Variants in DEPDC1B observed in about 807,000 individuals in gnomAD.
DEPDC1B encodes DEP domain containing 1B.
Under a neutral mutation model 66.5 loss-of-function variants are expected in DEPDC1B, and 51 were observed. The observed-to-expected ratio is 0.77, with a 90% CI of 0.61 to 0.97. The LOEUF (loss-of-function observed/expected upper bound fraction) is 0.97. Ranked by LOEUF, DEPDC1B falls within the 50% of genes least tolerant of loss-of-function variation. DEPDC1B has a pLI of 0.00. For synonymous variants in DEPDC1B, 226 were observed against 223.6 expected (o/e 1.01, Z -0.10); for missense variants, 552 against 637.1 (o/e 0.87, Z 1.44).
intron 2 of DEPDC1B, among the ~76,000 whole-genome samples, chr5:60,662,184 T>C (rs1377801860): frequency 6.6e-6 from 1 of 151,626 alleles, no homozygotes; most frequent in Non-Finnish European, 1.5e-5. Flanking sequence ...GTCAGGAGAT[T>C]GAGACCATCC....
intron 7 of DEPDC1B, among the ~76,000 whole-genome samples, chr5:60,613,488 A>G (rs974975309): frequency 2.0e-5 from 3 of 152,230 alleles, no homozygotes; most frequent in Non-Finnish European, 4.4e-5. Flanking sequence ...GTTATCAAGA[A>G]GCTCACAGTC....
At chr5:60,647,346 T>C in intron 3 of DEPDC1B, 52 bp downstream of exon 3, 1 of 1,539,830 alleles carries the variant, frequency 6.5e-7, no homozygotes. Flanking sequence ...TAGGAGTTCA[T>C]GGATGATTCT....
At chr5:60,696,126 T>G (rs1032756040) in intron 1 of DEPDC1B, among the ~76,000 whole-genome samples, 4 of 152,206 alleles carry the variant, frequency 2.6e-5, no homozygotes, top group Non-Finnish European at 4.4e-5. Context: ...AGTTCATTTC[T>G]TTTTGTGAGG....
intron 2 of DEPDC1B, among the ~76,000 whole-genome samples, chr5:60,649,524 G>T (rs945747225): frequency 2.0e-5 from 3 of 152,076 alleles, no homozygotes; most frequent in Non-Finnish European, 2.9e-5. Flanking sequence ...CTTCTATTTC[G>T]GGCATTGAAA....
chr5:60,678,280 C>T (rs1360072417), intron 2 of DEPDC1B, among the ~76,000 whole-genome samples: 3 of 152,120 alleles, frequency 2.0e-5, no homozygotes, highest in Admixed American at 6.5e-5. Context: ...TGCCACCCAG[C>T]GGTGCTACAT....
intron 2 of DEPDC1B, among the ~76,000 whole-genome samples, chr5:60,649,413 T>C (rs1753391678): frequency 6.6e-6 from 1 of 152,200 alleles, no homozygotes; most frequent in South Asian, 2.1e-4. Context: ...TTGCTGTCAG[T>C]AATATCTGCA....
Position 60,674,571 on chromosome 5 carries a change from C to T in DEPDC1B, c.314+12391G>A, listed in dbSNP as rs367907116. Among the ~76,000 whole-genome samples the T allele has an allele frequency of 1.2e-4, 18 of 152,308 alleles. No homozygotes were observed. In the South Asian group the frequency reaches 3.5e-3, roughly 30 times the overall value. ...AGGATCCTGAACTCAAATCCATCCC[C>T]CATATGTGTGATTGCTACAGATCAA... On this transcript the variant is annotated intron_variant, in intron 2 of 10. Coordinates refer to ENST00000265036, the MANE Select transcript of DEPDC1B (RefSeq NM_018369.3).
intron 7 of DEPDC1B, among the ~76,000 whole-genome samples, chr5:60,633,513 G>A (rs1031081471): frequency 3.9e-5 from 6 of 152,186 alleles, no homozygotes; most frequent in African/African-American, 7.2e-5. Context: ...TGCCTTCACC[G>A]TGAGAACATG....
intron 2 of DEPDC1B, among the ~76,000 whole-genome samples, chr5:60,662,723 C>A (rs1390734321): frequency 6.6e-6 from 1 of 152,170 alleles, no homozygotes; most frequent in Non-Finnish European, 1.5e-5. Context: ...AGGCCCACTG[C>A]CTCAGGGGAC....
At chr5:60,646,308 T>C (rs1371262951) in intron 3 of DEPDC1B, among the ~76,000 whole-genome samples, 2 of 152,192 alleles carry the variant, frequency 1.3e-5, no homozygotes, top group Non-Finnish European at 2.9e-5. Context: ...TTTGCTTATA[T>C]ATTTGGTCAG....
Position 60,644,872 on chromosome 5 carries a change from T to C in DEPDC1B, c.582A>G (p.Leu194=), listed in dbSNP as rs200114483. Residue 194 remains leucine (L), a synonymous_variant, in exon 5 of 11, where the codon TTA becomes TTG. Transcript: ENST00000265036. ...EIWKSMTLSY[L]QKILGLDSLE... is the part of the protein sequence containing the mutation. ...AGGAATCCAGGCCAAGAATTTTCTG[T>C]AAGCTAAAAGATAAGTAATTATATT... 3 of 1,599,708 alleles carry C rather than the reference T, an allele frequency of 1.9e-6. No homozygotes were observed. Among genetic ancestry groups the C allele is most frequent in the Admixed American group, 3.4e-5 (2 of 58,114 alleles).
intron 2 of DEPDC1B, among the ~76,000 whole-genome samples, chr5:60,672,791 C>A (rs1280774403): frequency 6.6e-6 from 1 of 152,168 alleles, no homozygotes; most frequent in Non-Finnish European, 1.5e-5. Flanking sequence ...TGAGATTAGA[C>A]CCCAGGCCTG....
rs1584114561 is a variant in DEPDC1B, at chr5:60,700,112, G to T, written c.-19C>A. On this transcript the variant is annotated 5_prime_UTR_variant, in exon 1 of 11. Transcript: ENST00000265036. ...GCTCCATGGCGCGTAGGCAGCAGCG[G>T]CCGCAGCCGCGCCAGCGCTGATCCC... 1.3e-6 allele frequency: 2 copies of T among 1,543,244 alleles called. No homozygotes were observed. Among genetic ancestry groups the T allele is most frequent in the African/African-American group, 2.8e-5 (2 of 72,494 alleles).
rs1244428133 is a variant in DEPDC1B, at chr5:60,700,047, A to C, written c.47T>G (p.Leu16Arg). 2.6e-6 allele frequency: 4 copies of C among 1,557,400 alleles called. No individual in the cohort carries two copies. Among genetic ancestry groups the C allele is most frequent in the Non-Finnish European group, 3.5e-6 (4 of 1,152,364 alleles). The part of the protein sequence containing the change: ...VGPGPYRATR[L>R]WNETVELFRA... Reference sequence around the variant, plus strand: ...CCAGGCCCCAGCACACTCACTCACCAGCCTGGTAGCTCGGTACGGCCCGGG... The same window carrying C: ...CCAGGCCCCAGCACACTCACTCACCCGCCTGGTAGCTCGGTACGGCCCGGG... Residue 16 changes from leucine (L) to arginine (R), a missense_variant and splice_region_variant, in exon 1 of 11, where the codon CTG (leucine) becomes CGG (arginine). Coordinates refer to ENST00000265036, the MANE Select transcript of DEPDC1B (RefSeq NM_018369.3).
At chr5:60,615,016 TAAAC>T (rs1752509993) in intron 7 of DEPDC1B, among the ~76,000 whole-genome samples, 1 of 152,076 alleles carries the variant, frequency 6.6e-6, no homozygotes, top group Non-Finnish European at 1.5e-5. Context: ...AATAAATAAA[TAAAC>T]AAAGCTATTA....
At chr5:60,616,976 C>A (rs760502337) in intron 7 of DEPDC1B, among the ~76,000 whole-genome samples, 2 of 152,166 alleles carry the variant, frequency 1.3e-5, no homozygotes, top group Non-Finnish European at 2.9e-5. Flanking sequence ...GAGTGGGGAC[C>A]AATATTCAAC....
At chr5:60,634,447 C>T (rs963572065) in intron 7 of DEPDC1B, among the ~76,000 whole-genome samples, 1 of 151,954 alleles carries the variant, frequency 6.6e-6, no homozygotes, top group African/African-American at 2.4e-5. Context: ...CCGAGGCGGG[C>T]GGATCACGAG....
At chr5:60,665,607 C>T (rs1241928604) in intron 2 of DEPDC1B, among the ~76,000 whole-genome samples, 1 of 152,122 alleles carries the variant, frequency 6.6e-6, no homozygotes, top group Non-Finnish European at 1.5e-5. Flanking sequence ...ACTGCATGAC[C>T]CCTATTACGC....
rs184350276 is a variant in DEPDC1B, at chr5:60,667,341, T to C, written c.314+19621A>G. Among the ~76,000 whole-genome samples the C allele has an allele frequency of 1.7e-3, 255 of 151,274 alleles. 3 individuals carry two copies. Among genetic ancestry groups the C allele is most frequent in the African/African-American group, 6.1e-3 (252 of 41,292 alleles). On this transcript the variant is annotated intron_variant, in intron 2 of 10. Transcript: ENST00000265036. ...CCATATAACTGATAAAGTGTAAATA[T>C]CCAGAATACATATATATATAAAATG...
Sources: gnomAD v4.1 joint callset for allele counts (sites outside exome capture counted in the v4.1 genomes callset) on GRCh38, gnomAD v4.1.1 for gene constraint, MANE v1.5 for transcripts, NCBI Gene and HGNC (gene_info 2026-07-23, HGNC 2026-07-21) for gene names.